MYO18B: variants seen among roughly 807,000 people sequenced by gnomAD.
MYO18B encodes the protein myosin XVIIIB, also known as unconventional myosin-XVIIIb.
A neutral mutation model predicts 273.0 loss-of-function variants in MYO18B; 204 were observed. That is an observed-to-expected ratio of 0.75 (90% CI 0.67 to 0.84). MYO18B has a LOEUF of 0.84. Ranked by LOEUF, MYO18B falls within the 40% of genes least tolerant of loss-of-function variation. The pLI is 0.00. For synonymous variants in MYO18B, 1,330 were observed against 1,305.7 expected (o/e 1.02, Z -0.40); for missense variants, 3,212 against 3,287.6 (o/e 0.98, Z 0.56).
chr22:25,758,735 A>G (rs1005845453), intron 1 of MYO18B, among the ~76,000 whole-genome samples: 13 of 151,978 alleles, frequency 8.6e-5, no homozygotes, highest in African/African-American at 2.7e-4. Context: ...GCATGAAAAG[A>G]AGAGTTTTTT....
intron 42 of MYO18B, among the ~76,000 whole-genome samples, chr22:26,005,374 C>G (rs1934338051): frequency 6.6e-6 from 1 of 152,042 alleles, no homozygotes; most frequent in African/African-American, 2.4e-5. Context: ...CAAATTTTAG[C>G]TTTATTTTTA....
At chr22:25,789,266 TCC>T (rs927765276) in intron 11 of MYO18B, among the ~76,000 whole-genome samples, 28 of 152,180 alleles carry the variant, frequency 1.8e-4, no homozygotes, top group Admixed American at 1.6e-3. Context: ...CGTCTTGTTT[TCC>T]CTCTTACTGA....
the MYO18B span, among the ~76,000 whole-genome samples, chr22:26,061,436 G>C: frequency 6.6e-6 from 1 of 151,884 alleles, no homozygotes; most frequent in African/African-American, 2.4e-5. Context: ...TGAATACTGG[G>C]TGGCTGTGTT....
At chr22:25,781,436 C>T (rs1265126220) in intron 9 of MYO18B, among the ~76,000 whole-genome samples, 2 of 151,878 alleles carry the variant, frequency 1.3e-5, no homozygotes, top group African/African-American at 2.4e-5. Context: ...GGTGAAACCC[C>T]GTCTCTACTA....
chr22:25,901,451 G>T (rs981802655), intron 29 of MYO18B: 2 of 152,074 alleles, frequency 1.3e-5, no homozygotes, highest in Admixed American at 6.6e-5. Context: ...CATCCAGGAG[G>T]GGCTTCTCAC....
chr22:25,974,563 G>A (rs758239591), intron 39 of MYO18B, among the ~76,000 whole-genome samples: 13 of 152,178 alleles, frequency 8.5e-5, no homozygotes, highest in South Asian at 2.1e-4. Flanking sequence ...GCAAACCATA[G>A]AGTCTCTGTC....
chr22:25,797,057 T>C (rs1328811568), intron 11 of MYO18B, among the ~76,000 whole-genome samples: 1 of 152,112 alleles, frequency 6.6e-6, no homozygotes. Flanking sequence ...GTGAAACCCT[T>C]CTCTACTAAA....
the MYO18B span, among the ~76,000 whole-genome samples, chr22:26,058,065 T>C: frequency 6.6e-6 from 1 of 152,204 alleles, no homozygotes; most frequent in Non-Finnish European, 1.5e-5. Context: ...TGACACCATA[T>C]GCAACACTGT....
rs752390367 is a variant in MYO18B at position 25,950,424 on chromosome 22, A to C, written c.5806A>C (p.Lys1936Gln). Residue 1936 changes from lysine (K) to glutamine (Q), a missense_variant, in exon 37 of 44, where the codon AAG becomes CAG. Coordinates refer to ENST00000335473, the MANE Select transcript of MYO18B (RefSeq NM_032608.7). ...GCAGCTGCAGCTGGAGGAAGCCAAG[A>C]AGGAGAAGCACAAGCTACAAGAACA... ...ELQLQLEEAK[K>Q]EKHKLQEQLQ... 8.1e-6 allele frequency: 13 copies of C among 1,608,212 alleles called. No homozygotes were observed. Among genetic ancestry groups the C allele is most frequent in the Middle Eastern group, 1.6e-4 (1 of 6,072 alleles).
chr22:25,813,331 T>G (rs1039665263), intron 12 of MYO18B, among the ~76,000 whole-genome samples: 1 of 151,978 alleles, frequency 6.6e-6, no homozygotes, highest in Non-Finnish European at 1.5e-5. Flanking sequence ...ATTACAGGCA[T>G]GAGCCACCGC....
At chr22:25,878,249 G>C (rs562139760) in intron 25 of MYO18B, among the ~76,000 whole-genome samples, 1 of 152,192 alleles carries the variant, frequency 6.6e-6, no homozygotes, top group East Asian at 1.9e-4. Context: ...TATCTTCCTC[G>C]AGGCTGCACA....
In MYO18B at chr22:25,889,894, T is replaced by C. The variant is rs528020502; in HGVS notation, c.4315-862T>C. Among the ~76,000 whole-genome samples, 109 of 152,340 alleles carry C rather than the reference T, an allele frequency of 7.2e-4. 1 individual carries two copies. The highest frequency in any genetic ancestry group is 2.4e-3 in the African/African-American group (101 of 41,594). On this transcript the variant is annotated intron_variant, in intron 25 of 43. Coordinates refer to ENST00000335473, the MANE Select transcript of MYO18B (RefSeq NM_032608.7). ...TTCTGAGGCAGGACCCATCCATTTC[T>C]TTCTTTCTTAAACCACGCTCCTAAT...
chr22:26,052,705 G>A, the MYO18B span, among the ~76,000 whole-genome samples: 1 of 152,122 alleles, frequency 6.6e-6, no homozygotes, highest in Non-Finnish European at 1.5e-5. Flanking sequence ...GGTTAGGAAG[G>A]GAATCACTTT....
intron 23 of MYO18B, 101 bp downstream of exon 23, chr22:25,874,515 G>A (rs959654272): frequency 7.1e-7 from 1 of 1,411,316 alleles, no homozygotes; most frequent in Non-Finnish European, 9.6e-7. Context: ...CGGGTCCAAG[G>A]ATCCAACCTG....
intron 42 of MYO18B, among the ~76,000 whole-genome samples, chr22:26,007,559 A>C (rs1934533995): frequency 6.6e-6 from 1 of 152,238 alleles, no homozygotes; most frequent in Non-Finnish European, 1.5e-5. Flanking sequence ...ATGTTCAGCC[A>C]AGACAAAGTG....
chr22:25,769,985 C>A, intron 4 of MYO18B, 125 bp from the exon 5 acceptor site: 1 of 982,246 alleles, frequency 1.0e-6, no homozygotes, highest in Non-Finnish European at 1.6e-6. Flanking sequence ...ACTCCCTCTC[C>A]TGTTCTCCCC....
chr22:25,947,413 TCCC>T (rs1016925444), intron 35 of MYO18B, among the ~76,000 whole-genome samples: 1 of 149,958 alleles, frequency 6.7e-6, no homozygotes, highest in Non-Finnish European at 1.5e-5. Flanking sequence ...ACACATAGAT[TCCC>T]AAGTGGGATT....
intron 39 of MYO18B, among the ~76,000 whole-genome samples, chr22:25,976,400 G>A (rs987674066): frequency 6.6e-5 from 10 of 152,092 alleles, no homozygotes; most frequent in African/African-American, 2.4e-4. Flanking sequence ...AAGAGCTGTA[G>A]CTACCAAAAA....
intron 34 of MYO18B, among the ~76,000 whole-genome samples, chr22:25,922,874 A>G (rs2092368386): frequency 6.6e-6 from 1 of 152,242 alleles, no homozygotes. Context: ...TTATTCGCTT[A>G]ACTAGAAGAC....
Sources: allele counts gnomAD v4.1 joint callset (sites outside exome capture counted in the v4.1 genomes callset), GRCh38; gene constraint gnomAD v4.1.1; transcripts MANE v1.5; gene names NCBI Gene and HGNC (gene_info 2026-07-23, HGNC 2026-07-21).